Variants in PHIP observed in about 807,000 individuals in gnomAD.
PHIP encodes PH-interacting protein.
A neutral mutation model predicts 236.8 loss-of-function variants in PHIP; 54 were observed. The ratio of observed to expected loss-of-function variants is 0.23; its 90% CI spans 0.18 to 0.29. The LOEUF (loss-of-function observed/expected upper bound fraction) is 0.29, where lower values mean the gene tolerates loss of function less well. Ranked by LOEUF, PHIP falls within the 10% of genes least tolerant of loss-of-function variation. PHIP has a pLI of 1.00. For missense variants in PHIP, 1,370 were observed against 2,190.8 expected (o/e 0.63, Z 7.48); for synonymous variants, 756 against 718.9 (o/e 1.05, Z -0.83).
At chr6:78,985,460 T>A in intron 21 of PHIP, 32 bp from the exon 22 acceptor site, 1 of 1,023,706 alleles carries the variant, frequency 9.8e-7, no homozygotes, top group Non-Finnish European at 1.6e-6. Context: ...TCTTATTGCA[T>A]AATTTTATAA....
At chr6:78,947,569 A>T (rs1328568003) in intron 36 of PHIP, 54 bp downstream of exon 36, 3 of 849,408 alleles carry the variant, frequency 3.5e-6, no homozygotes, top group Non-Finnish European at 5.5e-6. Flanking sequence ...TTAGTCATTT[A>T]ACACACTCCT....
chr6:78,993,278 A>C (rs1769390477), intron 19 of PHIP, among the ~76,000 whole-genome samples: 1 of 152,216 alleles, frequency 6.6e-6, no homozygotes, highest in African/African-American at 2.4e-5. Flanking sequence ...GTGAAGCAGC[A>C]AGTGCTGATG....
chr6:79,052,409 A>T (rs1278929045), intron 6 of PHIP, among the ~76,000 whole-genome samples: 1 of 152,172 alleles, frequency 6.6e-6, no homozygotes, highest in Non-Finnish European at 1.5e-5. Context: ...AAGAGAAGAG[A>T]CTGAGAAGGT....
At chr6:78,966,151 G>C in intron 27 of PHIP, 95 bp from the exon 28 acceptor site, 1 of 748,498 alleles carries the variant, frequency 1.3e-6, no homozygotes, top group Non-Finnish European at 2.4e-6. Context: ...TAAACTGCCT[G>C]TATGATTTCA....
In PHIP at chr6:79,065,425, C is replaced by T. The variant is rs185950407; in HGVS notation, c.190-4607G>A. Among the ~76,000 whole-genome samples, 201 of 152,238 alleles carry T rather than the reference C, an allele frequency of 1.3e-3. 2 individuals are homozygous for T. In the Middle Eastern group the frequency reaches 0.037, roughly 28 times the overall value. On this transcript the variant is annotated intron_variant, in intron 4 of 39. Coordinates refer to ENST00000275034, the MANE Select transcript of PHIP (RefSeq NM_017934.7). ...CCCTTTCCCCAACTCTCACTTTTCA[C>T]GTTTCAAACACATGGCCTTCTTTCA... is the stretch of plus-strand genomic sequence containing the variant.
At chr6:79,030,851 T>C (rs1771635868) in intron 7 of PHIP, among the ~76,000 whole-genome samples, 1 of 152,222 alleles carries the variant, frequency 6.6e-6, no homozygotes, top group Non-Finnish European at 1.5e-5. Flanking sequence ...TTATAATTCA[T>C]TTTAAAATCA....
intron 4 of PHIP, among the ~76,000 whole-genome samples, chr6:79,074,567 C>T (rs1010270148): frequency 2.0e-5 from 3 of 152,092 alleles, no homozygotes; most frequent in East Asian, 3.9e-4. Context: ...TCTAATTAAA[C>T]GTATACCATA....
In PHIP at chr6:79,027,905, G is replaced by A. The variant is rs139150033; in HGVS notation, c.601-1741C>T. On this transcript the variant is annotated intron_variant, in intron 7 of 39. Coordinates refer to ENST00000275034, the MANE Select transcript of PHIP (RefSeq NM_017934.7). ...TGTGCCTCAGATTTCTCACCTATGC[G>A]TACCTCATAGGATTGTCACAAAACT... 7.0e-4 allele frequency among the ~76,000 whole-genome samples: 107 copies of A among 152,194 alleles called. 1 individual carries two copies. In the South Asian group the frequency reaches 8.3e-3, roughly 12 times the overall value.
chr6:79,016,576 G>A lies in PHIP; in HGVS notation c.1203C>T (p.Ser401=). 12 of 1,610,516 alleles carry A rather than the reference G, an allele frequency of 7.5e-6. No homozygotes were observed. Among genetic ancestry groups the A allele is most frequent in the Non-Finnish European group, 1.0e-5 (12 of 1,177,358 alleles). Residue 401 remains serine, a synonymous_variant, in exon 13 of 40, where the codon AGC becomes AGT. Coordinates refer to ENST00000275034, the MANE Select transcript of PHIP (RefSeq NM_017934.7). ...IWQFKRREWK[S]ILLDMATRPA... is the part of the protein sequence containing the mutation. Reference sequence around the variant, plus strand: ...GACGAGTAGCCATATCCAACAAAATGCTCTTCCACTCTCTTCGTTTAAATT... The same window carrying A: ...GACGAGTAGCCATATCCAACAAAATACTCTTCCACTCTCTTCGTTTAAATT...
chr6:79,061,537 C>A lies in PHIP; in HGVS notation c.190-719G>T, dbSNP rs575143960. Reference sequence around the variant, plus strand: ...TATTAAGCCAGATATTAAAGATTCACAGAAATGTAAAACAATGCCACGCTT... The same window carrying A: ...TATTAAGCCAGATATTAAAGATTCAAAGAAATGTAAAACAATGCCACGCTT... On this transcript the variant is annotated intron_variant, in intron 4 of 39. Transcript: ENST00000275034. Among the ~76,000 whole-genome samples the A allele has an allele frequency of 2.4e-4, 36 of 152,166 alleles. No homozygotes were observed. The East Asian group carries it at 6.4e-3, about 27-fold the overall frequency.
At chr6:78,959,491 T>C (rs1582110148) in intron 31 of PHIP, among the ~76,000 whole-genome samples, 1 of 152,216 alleles carries the variant, frequency 6.6e-6, no homozygotes, top group African/African-American at 2.4e-5. Context: ...CTGACAGTAA[T>C]AGTTTAACAA....
chr6:78,939,119 TG>T lies in PHIP; in HGVS notation c.*1573del, dbSNP rs1157074803. On this transcript the variant is annotated 3_prime_UTR_variant, in exon 40 of 40. Transcript: ENST00000275034. ...GACAGTAATTTTTAAACAATAGAAA[TG>T]GTAAGTATGTTGGTTTTTAAGGTAT... is the stretch of plus-strand genomic sequence containing the variant. 1 of 151,732 alleles carries T rather than the reference TG, an allele frequency of 6.6e-6. No homozygotes were observed. Among genetic ancestry groups the T allele is most frequent in the African/African-American group, 2.4e-5 (1 of 41,422 alleles). 9.4% of individuals were successfully genotyped at this position (151,732 alleles called of 1,614,324 possible).
intron 7 of PHIP, among the ~76,000 whole-genome samples, chr6:79,038,780 C>T (rs1735998644): frequency 6.6e-6 from 1 of 152,166 alleles, no homozygotes; most frequent in African/African-American, 2.4e-5. Context: ...AATCTGAGTT[C>T]CCACTGCCTA....
chr6:79,044,390 A>G (rs966062873), intron 6 of PHIP, among the ~76,000 whole-genome samples: 6 of 152,164 alleles, frequency 3.9e-5, no homozygotes, highest in African/African-American at 9.7e-5. Flanking sequence ...ATAAGTTTCA[A>G]TCATAGCTTA....
intron 29 of PHIP, among the ~76,000 whole-genome samples, chr6:78,964,189 T>C (rs946022426): frequency 1.3e-5 from 2 of 152,172 alleles, no homozygotes; most frequent in African/African-American, 2.4e-5. Flanking sequence ...TAAGATATTT[T>C]ATAATTTTAA....
At chr6:79,001,556 C>T (rs1769999329) in intron 17 of PHIP, among the ~76,000 whole-genome samples, 1 of 152,068 alleles carries the variant, frequency 6.6e-6, no homozygotes, top group Admixed American at 6.6e-5. Context: ...TAATCCACTA[C>T]TGAATAGCCA....
At chr6:79,012,897 G>A (rs1770661550) in intron 15 of PHIP, among the ~76,000 whole-genome samples, 1 of 151,636 alleles carries the variant, frequency 6.6e-6, no homozygotes, top group Non-Finnish European at 1.5e-5. Context: ...TCAAGTTAAA[G>A]AGTAAGATGT....
chr6:79,016,925 CAATATT>C (rs1270778855), intron 12 of PHIP, among the ~76,000 whole-genome samples: 1 of 151,906 alleles, frequency 6.6e-6, no homozygotes, highest in Non-Finnish European at 1.5e-5. Context: ...ATTTTCTTCT[CAATATT>C]AAAGAATCTG....
intron 4 of PHIP, among the ~76,000 whole-genome samples, chr6:79,072,046 T>C (rs1773908402): frequency 1.3e-5 from 2 of 152,130 alleles, no homozygotes; most frequent in South Asian, 2.1e-4. Flanking sequence ...AGCTAAAGTC[T>C]TTCTTGAATT....
Sources: allele counts gnomAD v4.1 joint callset (sites outside exome capture counted in the v4.1 genomes callset), GRCh38; gene constraint gnomAD v4.1.1; transcripts MANE v1.5; gene names NCBI Gene and HGNC (gene_info 2026-07-23, HGNC 2026-07-21).